The following TIFAB variants were observed in gnomAD, a reference collection of about 807,000 sequenced individuals.
The protein encoded by TIFAB is TIFA inhibitor, also known as TRAF-interacting protein with FHA domain-containing protein B.
For synonymous variants in TIFAB, 116 were observed against 95.2 expected (o/e 1.22, Z -1.27); for missense variants, 222 against 203.6 (o/e 1.09, Z -0.55).
At chr5:135,450,461 G>C (rs376274658) in intron 1 of TIFAB, among the ~76,000 whole-genome samples, 3 of 152,220 alleles carry the variant, frequency 2.0e-5, no homozygotes, top group South Asian at 2.1e-4. Context: ...GTGGAGGAGA[G>C]AGGTGTTTCT....
At position 135,444,973 on chromosome 5, in the gene TIFAB, C is replaced by T. The variant is rs372341652; in HGVS notation, c.*4481G>A. On this transcript the variant is annotated 3_prime_UTR_variant, in exon 2 of 2. Coordinates refer to ENST00000537858, the MANE Select transcript of TIFAB (RefSeq NM_001099221.2). ...AGGCGGGTGTTGCAAGTGGACGCGTCGGGGGTGGTCTGCACGGGCTGGCCT... is the reference window on the plus strand; with the variant it reads ...AGGCGGGTGTTGCAAGTGGACGCGTTGGGGGTGGTCTGCACGGGCTGGCCT... 3.9e-5 allele frequency: 6 copies of T among 152,550 alleles called. No individual in the cohort carries two copies. The highest frequency in any genetic ancestry group is 5.8e-5 in the Non-Finnish European group (4 of 68,386). The allele number at this position is 152,550 out of a possible 1,614,324, so 9.4% of individuals were successfully genotyped here.
rs969841249 is a variant in TIFAB at position 135,445,320 on chromosome 5, C to T, written c.*4134G>A. The T allele has an allele frequency of 1.3e-5, 2 of 152,310 alleles. No individual in the cohort carries two copies. Among genetic ancestry groups the T allele is most frequent in the Non-Finnish European group, 2.9e-5 (2 of 68,176 alleles). 9.4% of individuals were successfully genotyped at this position (152,310 alleles called of 1,614,324 possible). ...ACTAGAAGGAAGCACCAGCCTTGTT[C>T]TGCCCCAGCTAGAGGGTCTGCGCTG... On this transcript the variant is annotated 3_prime_UTR_variant, in exon 2 of 2. Transcript: ENST00000537858.
Position 135,446,511 on chromosome 5 carries a change from A to G in TIFAB, c.*2943T>C. 1.2e-6 allele frequency: 2 copies of G among 1,614,012 alleles called. No homozygotes were observed. Among genetic ancestry groups the G allele is most frequent in the Non-Finnish European group, 1.7e-6 (2 of 1,179,902 alleles). On this transcript the variant is annotated 3_prime_UTR_variant, in exon 2 of 2. Transcript: ENST00000537858. The stretch of plus-strand genomic sequence containing the variant: ...ATCAAGTGCGAAGACCAGGCCCTGA[A>G]GCCAGCCTGACGGTTCCAGCTGTTA...
rs751681679 is a variant in TIFAB at position 135,449,460 on chromosome 5, T to C, written c.480A>G (p.Ser160=). The C allele has an allele frequency of 6.2e-6, 10 of 1,613,506 alleles. No homozygotes were observed. The South Asian group carries it at 9.9e-5, about 16-fold the overall frequency. The change falls in exon 2 of 2, where the codon TCA becomes TCG. Residue 160 remains serine, a synonymous_variant. Transcript: ENST00000537858. ...CCCAGGCAACCTGGATCTGCTACCC[T>C]GAACCAGGGGGAGGCTGCCCCTGGG... ...GISQGQPPPG[S]G
At position 135,447,041 on chromosome 5, in the gene TIFAB, T is replaced by C. The variant is rs1769281910; in HGVS notation, c.*2413A>G. On this transcript the variant is annotated 3_prime_UTR_variant, in exon 2 of 2. Coordinates refer to ENST00000537858, the MANE Select transcript of TIFAB (RefSeq NM_001099221.2). ...ACCAGCTCCTCTCTCCAGTCTTTGG[T>C]GTCCAGGTACAGTCTCCAGGCCGTG... 1 of 1,613,892 alleles carries C rather than the reference T, an allele frequency of 6.2e-7. No homozygotes were observed. Among genetic ancestry groups the C allele is most frequent in the Non-Finnish European group, 8.5e-7 (1 of 1,179,898 alleles).
At position 135,449,569 on chromosome 5, in the gene TIFAB, G is replaced by A; in HGVS notation, c.371C>T (p.Ala124Val). 1 of 1,614,230 alleles carries A rather than the reference G, an allele frequency of 6.2e-7. No individual in the cohort carries two copies. The highest frequency in any genetic ancestry group is 2.2e-5 in the East Asian group (1 of 44,882). Residue 124 changes from alanine (A) to valine (V), a missense_variant, in exon 2 of 2, where the codon GCT (alanine) becomes GTT (valine). Ala to Val is a moderately conservative substitution (Grantham distance 64). Coordinates refer to ENST00000537858, the MANE Select transcript of TIFAB (RefSeq NM_001099221.2). ...VRVEEGTSLE[A>V]FVCYFHVSPS... is the part of the protein sequence containing the mutation. ...GCTGACATGGAAATAGCAGACAAAA[G>A]CCTCCAGGGATGTGCCTTCTTCTAC...
Position 135,447,351 on chromosome 5 carries a change from G to T in TIFAB, c.*2103C>A. 1 of 572,844 alleles carries T rather than the reference G, an allele frequency of 1.7e-6. No homozygotes were observed. The allele number at this position is 572,844 out of a possible 1,614,324, so 35.5% of individuals were successfully genotyped here. ...CACAGGTAAGCCCTTGGGTTCTGGA[G>T]CCAGCTTACTGGGGTGTGAGTCTTC... On this transcript the variant is annotated 3_prime_UTR_variant, in exon 2 of 2. Coordinates refer to ENST00000537858, the MANE Select transcript of TIFAB (RefSeq NM_001099221.2).
In TIFAB at chr5:135,448,068, G is replaced by A. The variant is rs1561707872; in HGVS notation, c.*1386C>T. 6.6e-6 allele frequency: 1 copy of A among 152,144 alleles called. No individual in the cohort carries two copies. Among genetic ancestry groups the A allele is most frequent in the South Asian group, 2.1e-4 (1 of 4,832 alleles). 9.4% of individuals were successfully genotyped at this position (152,144 alleles called of 1,614,324 possible). On this transcript the variant is annotated 3_prime_UTR_variant, in exon 2 of 2. Transcript: ENST00000537858. Reference sequence around the variant, plus strand: ...GAGTGTTTTTGCTTCATCCCTATTGGAGAGGAAGCTTCCCACACCAGGGCA... The same window carrying A: ...GAGTGTTTTTGCTTCATCCCTATTGAAGAGGAAGCTTCCCACACCAGGGCA...
chr5:135,450,027 G>A (rs1769339046), intron 1 of TIFAB, 78 bp from the exon 2 acceptor site: 1 of 1,496,008 alleles, frequency 6.7e-7, no homozygotes, highest in Non-Finnish European at 8.9e-7. Context: ...AGACACACTT[G>A]CCCACCTCAG....
At position 135,446,848 on chromosome 5, in the gene TIFAB, T is replaced by C. The variant is rs143874043; in HGVS notation, c.*2606A>G. ...AGTTGCAGAGTCCCCTGTGGAGGAA[T>C]TGAACTGCCCCCTCTCGCAGGACCC... On this transcript the variant is annotated 3_prime_UTR_variant, in exon 2 of 2. Coordinates refer to ENST00000537858, the MANE Select transcript of TIFAB (RefSeq NM_001099221.2). 9 of 1,613,804 alleles carry C rather than the reference T, an allele frequency of 5.6e-6. No homozygotes were observed. The African/African-American group carries it at 1.1e-4, about 19-fold the overall frequency.
chr5:135,447,631 A>C lies in TIFAB; in HGVS notation c.*1823T>G, dbSNP rs1219334009. The C allele has an allele frequency of 6.1e-6, 1 of 163,768 alleles. No individual in the cohort carries two copies. The highest frequency in any genetic ancestry group is 1.3e-5 in the Non-Finnish European group (1 of 74,096). The allele number at this position is 163,768 out of a possible 1,614,324, so 10.1% of individuals were successfully genotyped here. A position where few individuals can be genotyped will look rare whatever the true frequency, so the allele number is the denominator to read the frequency against. ...GTTGGGCAAGATATGTAACCTTTCC[A>C]AGTCTCAGTTTCCTTATCTGTTAAG... On this transcript the variant is annotated 3_prime_UTR_variant, in exon 2 of 2. Transcript: ENST00000537858.
At chr5:135,450,064 C>T in intron 1 of TIFAB, 115 bp from the exon 2 acceptor site, 1 of 1,388,624 alleles carries the variant, frequency 7.2e-7, no homozygotes, top group Non-Finnish European at 9.7e-7. Flanking sequence ...CATACAATCA[C>T]TCTGCCCAAG....
rs752321523 is a variant in TIFAB, at chr5:135,446,865, G to C, written c.*2589C>G. On this transcript the variant is annotated 3_prime_UTR_variant, in exon 2 of 2. Transcript: ENST00000537858. The stretch of plus-strand genomic sequence containing the variant: ...TGGAGGAATTGAACTGCCCCCTCTC[G>C]CAGGACCCCAGCTGGCAAGGTTTTG... The C allele has an allele frequency of 6.2e-7, 1 of 1,613,886 alleles. No homozygotes were observed. The highest frequency in any genetic ancestry group is 8.5e-7 in the Non-Finnish European group (1 of 1,179,828).
rs1229617300 is a variant in TIFAB at position 135,444,871 on chromosome 5, T to A, written c.*4583A>T. The A allele has an allele frequency of 6.6e-6, 1 of 152,280 alleles. No individual in the cohort carries two copies. The highest frequency in any genetic ancestry group is 6.5e-5 in the Admixed American group (1 of 15,278). 9.4% of individuals were successfully genotyped at this position (152,280 alleles called of 1,614,324 possible). On this transcript the variant is annotated 3_prime_UTR_variant, in exon 2 of 2. Transcript: ENST00000537858. ...GCTGTGAAACTGTTAAAGCCACCCA[T>A]CCTATGAAACTCACTCCTTTGGGTT...
In TIFAB at chr5:135,446,906, T is replaced by G. The variant is rs149382960; in HGVS notation, c.*2548A>C. On this transcript the variant is annotated 3_prime_UTR_variant, in exon 2 of 2. Coordinates refer to ENST00000537858, the MANE Select transcript of TIFAB (RefSeq NM_001099221.2). Reference sequence around the variant, plus strand: ...CAAGGTTTTGTTCCTCCCTGGAGGGTAGAGACCCTCACTGAGGCCCTGGAG... The same window carrying G: ...CAAGGTTTTGTTCCTCCCTGGAGGGGAGAGACCCTCACTGAGGCCCTGGAG... 7.4e-6 allele frequency: 12 copies of G among 1,613,336 alleles called. No homozygotes were observed. The highest frequency in any genetic ancestry group is 1.6e-4 in the Middle Eastern group (1 of 6,062).
In TIFAB at chr5:135,449,249, C is replaced by G. The variant is rs1769324319; in HGVS notation, c.*205G>C. 1 of 782,072 alleles carries G rather than the reference C, an allele frequency of 1.3e-6. No homozygotes were observed. 48.4% of individuals were successfully genotyped at this position (782,072 alleles called of 1,614,324 possible). On this transcript the variant is annotated 3_prime_UTR_variant, in exon 2 of 2. Coordinates refer to ENST00000537858, the MANE Select transcript of TIFAB (RefSeq NM_001099221.2). ...TGAGCAAGGCAGCCAGTGGGTTTTG[C>G]TTGTCAACCTTGCATGATGCAGCTC...
intron 1 of TIFAB, among the ~76,000 whole-genome samples, chr5:135,451,475 T>C (rs1229844459): frequency 6.8e-6 from 1 of 146,366 alleles, no homozygotes; most frequent in Non-Finnish European, 1.5e-5. Context: ...CGAAAGCCTT[T>C]CTTTTTTTTC....
chr5:135,446,704 A>T lies in TIFAB; in HGVS notation c.*2750T>A, dbSNP rs755817931. The T allele has an allele frequency of 6.2e-7, 1 of 1,613,784 alleles. No homozygotes were observed. The highest frequency in any genetic ancestry group is 8.5e-7 in the Non-Finnish European group (1 of 1,179,720). Reference sequence around the variant, plus strand: ...GAACTGTGAACGGGTAGAGTCTGAAACTACAAACCAGATGTTTCCGGGCTC... The same window carrying T: ...GAACTGTGAACGGGTAGAGTCTGAATCTACAAACCAGATGTTTCCGGGCTC... On this transcript the variant is annotated 3_prime_UTR_variant, in exon 2 of 2. Transcript: ENST00000537858.
intron 1 of TIFAB, chr5:135,450,536 G>A (rs1001431619): frequency 2.0e-5 from 3 of 152,270 alleles, no homozygotes; most frequent in African/African-American, 7.2e-5. Context: ...CACCAGAAAG[G>A]CTGCCTAGAA....
Sources: gnomAD v4.1 joint callset for allele counts (sites outside exome capture counted in the v4.1 genomes callset) on GRCh38, gnomAD v4.1.1 for gene constraint, MANE v1.5 for transcripts, NCBI Gene and HGNC (gene_info 2026-07-23, HGNC 2026-07-21) for gene names.